Variants in INVS observed in about 807,000 individuals in gnomAD.
The protein encoded by INVS is inversin.
In INVS, 86 loss-of-function variants were observed where a neutral mutation model predicts 108.8. The observed-to-expected ratio is 0.79, with a 90% CI of 0.66 to 0.95. The LOEUF (loss-of-function observed/expected upper bound fraction) is 0.95. Ranked by LOEUF, INVS falls within the 40% of genes least tolerant of loss-of-function variation. The pLI, the probability that INVS is intolerant of heterozygous loss-of-function variation, is 0.00. For missense variants in INVS, 1,169 were observed against 1,297.4 expected (o/e 0.90, Z 1.52); for synonymous variants, 455 against 473.5 (o/e 0.96, Z 0.51).
chr9:100,099,658 A>G (rs1394585544), intron 1 of INVS, among the ~76,000 whole-genome samples: 1 of 152,194 alleles, frequency 6.6e-6, no homozygotes, highest in East Asian at 1.9e-4. Context: ...GGCTCCTGTA[A>G]GGAGTAGATG....
At chr9:100,137,170 A>T (rs901604016) in intron 3 of INVS, among the ~76,000 whole-genome samples, 1 of 152,192 alleles carries the variant, frequency 6.6e-6, no homozygotes, top group Admixed American at 6.5e-5. Flanking sequence ...GAAAACTGGA[A>T]GGGCCTTGGA....
intron 10 of INVS, among the ~76,000 whole-genome samples, chr9:100,258,291 G>C (rs755174135): frequency 5.9e-5 from 9 of 152,120 alleles, no homozygotes; most frequent in Admixed American, 2.6e-4. Flanking sequence ...TTTTATTCTA[G>C]TTAGCCATTC....
At chr9:100,195,931 G>GT (rs945548575) in intron 3 of INVS, among the ~76,000 whole-genome samples, 4 of 151,820 alleles carry the variant, frequency 2.6e-5, no homozygotes, top group Non-Finnish European at 2.9e-5. Flanking sequence ...TAGTTTAGTT[G>GT]TTTTTTTTCT....
chr9:100,292,458 G>C lies in INVS; in HGVS notation c.2201G>C (p.Arg734Pro). The C allele has an allele frequency of 6.2e-7, 1 of 1,614,140 alleles. No homozygotes were observed. Among genetic ancestry groups the C allele is most frequent in the Non-Finnish European group, 8.5e-7 (1 of 1,180,020 alleles). ...KSRGETAGDE[R>P]CAKGKGFVKQ... Reference sequence around the variant, plus strand: ...AGAGGTGAGACAGCTGGCGATGAGCGGTGTGCAAAGGGGAAAGGCTTCGTG... The same window carrying C: ...AGAGGTGAGACAGCTGGCGATGAGCCGTGTGCAAAGGGGAAAGGCTTCGTG... The change falls in exon 14 of 17, where the codon CGG (arginine) becomes CCG (proline). Residue 734 changes from arginine to proline, a missense_variant. Transcript: ENST00000262457.
chr9:100,195,493 A>AT (rs71370984), intron 3 of INVS, among the ~76,000 whole-genome samples: 77,116 of 149,032 alleles, frequency 0.52, 20,870 homozygotes, highest in African/African-American at 0.63. Context: ...ACATCAATTG[A>AT]TTTTTTTTTT....
intron 5 of INVS, among the ~76,000 whole-genome samples, chr9:100,235,277 G>T (rs1474201559): frequency 2.6e-5 from 4 of 151,964 alleles, no homozygotes; most frequent in Non-Finnish European, 5.9e-5. Context: ...CATGAGATGG[G>T]TCTCTTGAAT....
chr9:100,219,881 G>GATATATATATATATATAT (rs61219577), intron 3 of INVS, among the ~76,000 whole-genome samples: 2 of 148,020 alleles, frequency 1.4e-5, no homozygotes, highest in African/African-American at 4.9e-5. Context: ...GTCGTTTATG[G>GATATATATATATATATAT]ATATATATAT....
At chr9:100,196,677 G>T (rs1049623932) in intron 3 of INVS, among the ~76,000 whole-genome samples, 22 of 147,678 alleles carry the variant, frequency 1.5e-4, no homozygotes, top group Non-Finnish European at 7.5e-5. Context: ...TCATTATTAT[G>T]ATAAAATTAT....
At chr9:100,173,350 G>A (rs966133047) in intron 3 of INVS, among the ~76,000 whole-genome samples, 1 of 152,204 alleles carries the variant, frequency 6.6e-6, no homozygotes, top group Non-Finnish European at 1.5e-5. Context: ...GTTCTTCAAA[G>A]AGGATGAAAA....
intron 1 of INVS, among the ~76,000 whole-genome samples, 191 bp downstream of exon 1, chr9:100,099,607 C>A (rs1473865920): frequency 6.6e-6 from 1 of 152,234 alleles, no homozygotes; most frequent in Non-Finnish European, 1.5e-5. Context: ...CTCGGGGCCT[C>A]AGTTGAATGA....
intron 3 of INVS, among the ~76,000 whole-genome samples, chr9:100,133,766 C>T (rs1828126451): frequency 1.1e-5 from 1 of 91,968 alleles, no homozygotes; most frequent in African/African-American, 8.5e-5. Context: ...GCCAAAGCTA[C>T]ACACACACAC....
chr9:100,214,052 G>A (rs1035486014), intron 3 of INVS, among the ~76,000 whole-genome samples: 1 of 152,126 alleles, frequency 6.6e-6, no homozygotes, highest in African/African-American at 2.4e-5. Context: ...ATCTTACCAA[G>A]AGAGACTAGG....
chr9:100,205,448 G>T (rs1343327192), intron 3 of INVS, among the ~76,000 whole-genome samples: 1 of 151,952 alleles, frequency 6.6e-6, no homozygotes, highest in Non-Finnish European at 1.5e-5. Flanking sequence ...CAAACCTGGG[G>T]AGTACTAATT....
At position 100,302,116 on chromosome 9, in the gene INVS, C is replaced by G. The variant is rs1833993851; in HGVS notation, c.*1442C>G. ...AAAGTTCAGCTTTAATGACAAAGAT[C>G]TATTACATCAGTCTTTTTCTTCAAA... On this transcript the variant is annotated 3_prime_UTR_variant, in exon 17 of 17. Transcript: ENST00000262457. 4.7e-6 allele frequency: 4 copies of G among 856,340 alleles called. No individual in the cohort carries two copies. The South Asian group carries it at 1.1e-4, about 23-fold the overall frequency. 53.0% of individuals were successfully genotyped at this position (856,340 alleles called of 1,614,324 possible).
rs936214149 is a variant in INVS at position 100,296,913 on chromosome 9, C to A, written c.2787-4C>A. 2 of 1,613,342 alleles carry A rather than the reference C, an allele frequency of 1.2e-6. No homozygotes were observed. Among genetic ancestry groups the A allele is most frequent in the South Asian group, 1.1e-5 (1 of 91,000 alleles). On this transcript the variant is annotated splice_region_variant and splice_polypyrimidine_tract_variant and intron_variant, in intron 14 of 16. Coordinates refer to ENST00000262457, the MANE Select transcript of INVS (RefSeq NM_014425.5). ...AAGCCTCTCCTCTCCTCTGACCCAA[C>A]CAGCTACCAGCTCAGGAAGCACCTG...
In INVS at chr9:100,240,240, G is replaced by T; in HGVS notation, c.796G>T (p.Gly266Cys). 2 of 1,612,152 alleles carry T rather than the reference G, an allele frequency of 1.2e-6. No individual in the cohort carries two copies. The highest frequency in any genetic ancestry group is 1.7e-6 in the Non-Finnish European group (2 of 1,178,288). Residue 266 changes from glycine (G) to cysteine (C), a missense_variant and splice_region_variant, in exon 6 of 17, where the codon GGC becomes TGC. Physicochemically the swap from Gly to Cys is radical, Grantham distance 159 (BLOSUM62 -3). Transcript: ENST00000262457. ...RTPLHWAALL[G>C]HAQIVHLLLE... ...CCCACTGCACTGGGCAGCTTTATTA[G>T]GTACGTGACTCAAAGGATCAACAGT...
At chr9:100,181,057 G>T (rs189139162) in intron 3 of INVS, among the ~76,000 whole-genome samples, 3,263 of 152,046 alleles carry the variant, frequency 0.021, 62 homozygotes, top group Non-Finnish European at 0.033. Flanking sequence ...ATGCAGAAAA[G>T]GCCTTCAATA....
chr9:100,286,276 G>A (rs1399533912), intron 13 of INVS, among the ~76,000 whole-genome samples: 4 of 152,124 alleles, frequency 2.6e-5, no homozygotes, highest in South Asian at 2.1e-4. Context: ...ACTACAGGCC[G>A]GGTGCAGTGA....
intron 9 of INVS, 144 bp downstream of exon 9, chr9:100,252,582 C>A: frequency 1.2e-6 from 1 of 837,488 alleles, no homozygotes; most frequent in South Asian, 1.4e-5. Flanking sequence ...CATGAGGAAC[C>A]TCAAGTTCTA....
Sources: gnomAD v4.1 joint callset for allele counts (sites outside exome capture counted in the v4.1 genomes callset) on GRCh38, gnomAD v4.1.1 for gene constraint, MANE v1.5 for transcripts, NCBI Gene and HGNC (gene_info 2026-07-23, HGNC 2026-07-21) for gene names.